PAPPA2: variants seen among roughly 807,000 people sequenced by gnomAD.
The protein encoded by PAPPA2 is pappalysin-2.
A neutral mutation model predicts 176.4 loss-of-function variants in PAPPA2; 86 were observed. The ratio of observed to expected loss-of-function variants is 0.49; its 90% CI spans 0.41 to 0.58. PAPPA2 has a LOEUF of 0.58. PAPPA2 is among the 20% of genes least tolerant of loss of function. The probability of loss-of-function intolerance (pLI) is 0.00; values close to 1 mark genes in which losing one functional copy is unlikely to be tolerated. For missense variants in PAPPA2, 2,073 were observed against 2,256.9 expected (o/e 0.92, Z 1.65); for synonymous variants, 809 against 852.2 (o/e 0.95, Z 0.88).
rs568059059 is a variant in PAPPA2, at chr1:176,829,647, C to T, written c.5203-10526C>T. Among the ~76,000 whole-genome samples the T allele has an allele frequency of 3.3e-5, 5 of 152,352 alleles. No homozygotes were observed. In the East Asian group the frequency reaches 9.7e-4, roughly 29 times the overall value. On this transcript the variant is annotated intron_variant, in intron 21 of 22. Transcript: ENST00000367662. Reference sequence around the variant, plus strand: ...CCGGGCCTTCTTGTGGGGTCACATGCTTTTCCTTTCTTCCCTCAGCTGCAT... The same window carrying T: ...CCGGGCCTTCTTGTGGGGTCACATGTTTTTCCTTTCTTCCCTCAGCTGCAT...
At chr1:176,745,230 G>C (rs1010260043) in intron 14 of PAPPA2, among the ~76,000 whole-genome samples, 22 of 152,268 alleles carry the variant, frequency 1.4e-4, no homozygotes, top group Middle Eastern at 3.4e-3. Flanking sequence ...TGCAGGAGGA[G>C]GGGTTTTCTC....
chr1:176,638,684 C>A (rs974148498), intron 3 of PAPPA2, among the ~76,000 whole-genome samples: 7 of 151,854 alleles, frequency 4.6e-5, no homozygotes, highest in African/African-American at 1.7e-4. Context: ...CCTCCAAATT[C>A]CCATGTGCCA....
At chr1:176,476,358 C>T (rs1330452413) in intron 1 of PAPPA2, among the ~76,000 whole-genome samples, 1 of 152,172 alleles carries the variant, frequency 6.6e-6, no homozygotes, top group African/African-American at 2.4e-5. Flanking sequence ...TTATGGTTCA[C>T]TAAATATACT....
At chr1:176,646,739 A>T (rs1395455001) in intron 3 of PAPPA2, among the ~76,000 whole-genome samples, 1 of 151,494 alleles carries the variant, frequency 6.6e-6, no homozygotes, top group Non-Finnish European at 1.5e-5. Flanking sequence ...AAATGATAGG[A>T]TCTCATTCTT....
chr1:176,626,889 C>CTTT lies in PAPPA2; in HGVS notation c.1991+31311_1991+31313dup, dbSNP rs547179481. Among the ~76,000 whole-genome samples, 62 of 127,758 alleles carry CTTT rather than the reference C, an allele frequency of 4.9e-4. No homozygotes were observed. In the East Asian group the frequency reaches 8.3e-3, roughly 17 times the overall value. The allele number at this position is 127,758 out of a possible 152,430, so 83.8% of individuals were successfully genotyped here. On this transcript the variant is annotated intron_variant, in intron 3 of 22. Transcript: ENST00000367662. ...ACAGCTGAAGATATACCTGTTTTTC[C>CTTT]TTTTTTTTTTTTTTTTTTTGACAAA...
At chr1:176,565,490 T>C (rs1651913608) in intron 2 of PAPPA2, among the ~76,000 whole-genome samples, 1 of 151,152 alleles carries the variant, frequency 6.6e-6, no homozygotes, top group Non-Finnish European at 1.5e-5. Context: ...AGACCAGGAG[T>C]TCAAGACCAG....
chr1:176,563,931 C>T (rs1373699868), intron 2 of PAPPA2, among the ~76,000 whole-genome samples: 1 of 152,160 alleles, frequency 6.6e-6, no homozygotes, highest in East Asian at 1.9e-4. Flanking sequence ...GCAGGAAATT[C>T]CTTAGACTGC....
At chr1:176,722,206 T>A (rs901725158) in intron 12 of PAPPA2, among the ~76,000 whole-genome samples, 26 of 152,262 alleles carry the variant, frequency 1.7e-4, no homozygotes, top group African/African-American at 5.3e-4. Context: ...TCTGTTTAGG[T>A]TGACTTTAAA....
At chr1:176,753,720 T>C (rs1663288994) in intron 14 of PAPPA2, among the ~76,000 whole-genome samples, 1 of 152,092 alleles carries the variant, frequency 6.6e-6, no homozygotes, top group Admixed American at 6.6e-5. Context: ...AAATGAAATA[T>C]GTATTGCCTT....
chr1:176,804,436 C>T (rs1261529346), intron 21 of PAPPA2, among the ~76,000 whole-genome samples: 1 of 152,168 alleles, frequency 6.6e-6, no homozygotes, highest in East Asian at 1.9e-4. Flanking sequence ...TGCTGAATAT[C>T]ATACAGTGCA....
chr1:176,739,262 A>G (rs111608106), intron 12 of PAPPA2, among the ~76,000 whole-genome samples: 1 of 152,162 alleles, frequency 6.6e-6, no homozygotes, highest in African/African-American at 2.4e-5. Context: ...TTTGGCAATA[A>G]GGAGATATTT....
chr1:176,806,327 T>C (rs1571354460), intron 21 of PAPPA2, among the ~76,000 whole-genome samples: 1 of 152,320 alleles, frequency 6.6e-6, no homozygotes, highest in East Asian at 1.9e-4. Context: ...GTATCCTCTT[T>C]GAGAGACACC....
At chr1:176,773,782 A>G (rs1664333865) in intron 17 of PAPPA2, among the ~76,000 whole-genome samples, 1 of 152,168 alleles carries the variant, frequency 6.6e-6, no homozygotes, top group African/African-American at 2.4e-5. Context: ...GAAGGAAACA[A>G]TTACTAAAAT....
intron 1 of PAPPA2, among the ~76,000 whole-genome samples, chr1:176,479,645 G>C (rs572895286): frequency 1.3e-5 from 2 of 152,192 alleles, no homozygotes; most frequent in Admixed American, 1.3e-4. Context: ...ATGAATAAAG[G>C]AGGGTCCTCT....
intron 17 of PAPPA2, among the ~76,000 whole-genome samples, chr1:176,774,600 A>C (rs192994947): frequency 6.6e-6 from 1 of 152,216 alleles, no homozygotes; most frequent in East Asian, 1.9e-4. Context: ...TCTCTATAAT[A>C]GACTATTATC....
chr1:176,615,183 T>C (rs1243221666), intron 3 of PAPPA2, among the ~76,000 whole-genome samples: 8 of 152,206 alleles, frequency 5.3e-5, no homozygotes, highest in African/African-American at 1.9e-4. Context: ...TCCCTCCCAT[T>C]TTTTTCTCAG....
At chr1:176,716,116 A>G (rs1165497296) in intron 12 of PAPPA2, among the ~76,000 whole-genome samples, 1 of 151,886 alleles carries the variant, frequency 6.6e-6, no homozygotes, top group Non-Finnish European at 1.5e-5. Flanking sequence ...TTGACTATCA[A>G]AAATGTTCTC....
At chr1:176,763,636 C>G (rs907743373) in intron 14 of PAPPA2, among the ~76,000 whole-genome samples, 2 of 152,158 alleles carry the variant, frequency 1.3e-5, no homozygotes, top group African/African-American at 4.8e-5. Flanking sequence ...TGTCCATAAT[C>G]TAGTTGGAAC....
chr1:176,523,023 A>G, intron 1 of PAPPA2, among the ~76,000 whole-genome samples: 1 of 152,096 alleles, frequency 6.6e-6, no homozygotes, highest in Non-Finnish European at 1.5e-5. Context: ...CTGATACACC[A>G]GATAAATATG....
Sources: allele counts gnomAD v4.1 joint callset (sites outside exome capture counted in the v4.1 genomes callset), GRCh38; gene constraint gnomAD v4.1.1; transcripts MANE v1.5; gene names NCBI Gene and HGNC (gene_info 2026-07-23, HGNC 2026-07-21).